Variants in MEOX2 observed in about 807,000 individuals in gnomAD.
The protein encoded by MEOX2 is mesenchyme homeobox 2.
In MEOX2, 11 loss-of-function variants were observed where a neutral mutation model predicts 27.0. The observed-to-expected ratio is 0.41, with a 90% CI of 0.26 to 0.68. The LOEUF (loss-of-function observed/expected upper bound fraction) is 0.68. Ranked by LOEUF, MEOX2 falls within the 30% of genes least tolerant of loss-of-function variation. The probability of loss-of-function intolerance (pLI) is 0.33; values close to 1 mark genes in which losing one functional copy is unlikely to be tolerated. For synonymous variants in MEOX2, 189 were observed against 155.4 expected (o/e 1.22, Z -1.61); for missense variants, 436 against 385.4 (o/e 1.13, Z -1.10).
At chr7:15,660,916 G>T (rs1331663874) in intron 1 of MEOX2, among the ~76,000 whole-genome samples, 8 of 150,342 alleles carry the variant, frequency 5.3e-5, no homozygotes, top group African/African-American at 2.0e-4. Context: ...GGGAGGCTGA[G>T]GTGGGAGGAT....
chr7:15,669,130 G>A (rs184472907), intron 1 of MEOX2, among the ~76,000 whole-genome samples: 44 of 152,222 alleles, frequency 2.9e-4, no homozygotes, highest in Admixed American at 7.8e-4. Flanking sequence ...AATATCGTAC[G>A]AGTAAAGTTT....
At chr7:15,613,364 A>G (rs1174224839) in intron 2 of MEOX2, among the ~76,000 whole-genome samples, 3 of 143,944 alleles carry the variant, frequency 2.1e-5, no homozygotes, top group South Asian at 2.2e-4. Flanking sequence ...AAATAAATAT[A>G]TATATTTAAA....
chr7:15,616,760 C>T (rs1312523912), intron 2 of MEOX2, among the ~76,000 whole-genome samples: 1 of 151,696 alleles, frequency 6.6e-6, no homozygotes, highest in East Asian at 1.9e-4. Context: ...CTCACATTTC[C>T]TTGGTGACTT....
chr7:15,677,846 G>A (rs1442787941), intron 1 of MEOX2, among the ~76,000 whole-genome samples: 1 of 152,088 alleles, frequency 6.6e-6, no homozygotes, highest in Non-Finnish European at 1.5e-5. Context: ...TAAGAAATAG[G>A]ATAAATCTTT....
intron 1 of MEOX2, among the ~76,000 whole-genome samples, chr7:15,660,949 G>A (rs1362529907): frequency 7.8e-6 from 1 of 128,466 alleles, no homozygotes; most frequent in Non-Finnish European, 1.6e-5. Context: ...GGAGGTGGAT[G>A]TTGCAGTGAG....
chr7:15,637,787 C>G (rs542399189), intron 1 of MEOX2, among the ~76,000 whole-genome samples: 18 of 152,064 alleles, frequency 1.2e-4, no homozygotes, highest in Admixed American at 1.1e-3. Flanking sequence ...GTTGTTGCTA[C>G]TTACTGTGTG....
At chr7:15,655,565 T>C (rs1781806060) in intron 1 of MEOX2, among the ~76,000 whole-genome samples, 1 of 151,780 alleles carries the variant, frequency 6.6e-6, no homozygotes, top group South Asian at 2.1e-4. Flanking sequence ...TTAACAATGT[T>C]GTATTTTCAT....
At chr7:15,671,149 C>T (rs937626079) in intron 1 of MEOX2, among the ~76,000 whole-genome samples, 2 of 152,020 alleles carry the variant, frequency 1.3e-5, no homozygotes, top group Non-Finnish European at 2.9e-5. Flanking sequence ...ATGCCAGCTC[C>T]ATTCTAGATG....
intron 1 of MEOX2, chr7:15,679,799 G>A (rs757170205): frequency 5.3e-5 from 8 of 151,788 alleles, no homozygotes; most frequent in Non-Finnish European, 5.9e-5. Flanking sequence ...ATTTTTGAAA[G>A]GGTTTTTCTA....
intron 1 of MEOX2, among the ~76,000 whole-genome samples, chr7:15,642,072 T>G (rs1433534922): frequency 6.6e-6 from 1 of 152,216 alleles, no homozygotes; most frequent in Non-Finnish European, 1.5e-5. Flanking sequence ...TTGGATAGCC[T>G]GAAGACTATA....
intron 1 of MEOX2, among the ~76,000 whole-genome samples, chr7:15,660,102 G>A (rs1781888198): frequency 6.6e-6 from 1 of 152,202 alleles, no homozygotes; most frequent in South Asian, 2.1e-4. Context: ...CTAGGAGGAA[G>A]TGACTCCTGA....
chr7:15,615,429 T>TA (rs35066341), intron 2 of MEOX2, among the ~76,000 whole-genome samples: 283 of 150,492 alleles, frequency 1.9e-3, no homozygotes, highest in Middle Eastern at 6.8e-3. Context: ...GCATTTGTAA[T>TA]AAAAAAAAAG....
At chr7:15,665,226 C>T (rs1450176981) in intron 1 of MEOX2, among the ~76,000 whole-genome samples, 2 of 152,036 alleles carry the variant, frequency 1.3e-5, no homozygotes, top group African/African-American at 4.8e-5. Context: ...CCTCCAGATA[C>T]ATTGCCAGAA....
At chr7:15,637,791 C>T (rs1033486564) in intron 1 of MEOX2, among the ~76,000 whole-genome samples, 1 of 151,992 alleles carries the variant, frequency 6.6e-6, no homozygotes, top group Non-Finnish European at 1.5e-5. Context: ...TTGCTACTTA[C>T]TGTGTGGTCT....
intron 1 of MEOX2, among the ~76,000 whole-genome samples, chr7:15,636,520 G>A (rs1366642964): frequency 2.6e-5 from 4 of 151,936 alleles, no homozygotes; most frequent in African/African-American, 9.7e-5. Context: ...AGCTGTATTG[G>A]CAAGAAGGAA....
chr7:15,627,808 AAC>A (rs71549949), intron 1 of MEOX2, among the ~76,000 whole-genome samples: 3 of 147,292 alleles, frequency 2.0e-5, no homozygotes, highest in East Asian at 2.0e-4. Flanking sequence ...ATCAATAGTA[AAC>A]ACACACACAC....
At chr7:15,661,789 T>G (rs1467403640) in intron 1 of MEOX2, among the ~76,000 whole-genome samples, 1 of 152,126 alleles carries the variant, frequency 6.6e-6, no homozygotes, top group African/African-American at 2.4e-5. Flanking sequence ...AGCCTGTGGT[T>G]TTGACATTAT....
intron 2 of MEOX2, among the ~76,000 whole-genome samples, chr7:15,614,960 G>C (rs775798947): frequency 6.6e-6 from 1 of 151,866 alleles, no homozygotes; most frequent in African/African-American, 2.4e-5. Flanking sequence ...GATTTTTCTT[G>C]GTCTCACTTA....
chr7:15,652,802 C>G (rs768979628), intron 1 of MEOX2, among the ~76,000 whole-genome samples: 4 of 151,984 alleles, frequency 2.6e-5, no homozygotes, highest in Non-Finnish European at 4.4e-5. Context: ...ATAAATACAT[C>G]AACAGCTCCC....
Sources: allele counts gnomAD v4.1 joint callset (sites outside exome capture counted in the v4.1 genomes callset), GRCh38; gene constraint gnomAD v4.1.1; transcripts MANE v1.5; gene names NCBI Gene and HGNC (gene_info 2026-07-23, HGNC 2026-07-21).